Variants in CTNNA2 observed in about 807,000 individuals in gnomAD.
The protein encoded by CTNNA2 is catenin alpha-2.
CTNNA2 carries 42 observed loss-of-function variants against 101.0 expected under a neutral mutation model. The ratio of observed to expected loss-of-function variants is 0.42; its 90% CI spans 0.32 to 0.54. The LOEUF is 0.54. Ranked by LOEUF, CTNNA2 falls within the 20% of genes least tolerant of loss-of-function variation. The probability of loss-of-function intolerance (pLI) is 0.14; values close to 1 mark genes in which losing one functional copy is unlikely to be tolerated. For synonymous variants in CTNNA2, 450 were observed against 456.4 expected (o/e 0.99, Z 0.18); for missense variants, 871 against 1,223.1 (o/e 0.71, Z 4.29).
intron 3 of CTNNA2, among the ~76,000 whole-genome samples, chr2:79,327,036 G>A (rs1343074919): frequency 6.6e-6 from 1 of 152,164 alleles, no homozygotes; most frequent in African/African-American, 2.4e-5. Flanking sequence ...TGGTTTTCTA[G>A]ATGATAAAAT....
chr2:80,438,183 T>G (rs1047969087), intron 9 of CTNNA2, among the ~76,000 whole-genome samples: 3 of 152,198 alleles, frequency 2.0e-5, no homozygotes, highest in Non-Finnish European at 4.4e-5. Flanking sequence ...TCGCATGGTC[T>G]TTCCTCTATG....
At chr2:80,115,503 A>G (rs1403861794) in intron 7 of CTNNA2, among the ~76,000 whole-genome samples, 1 of 152,234 alleles carries the variant, frequency 6.6e-6, no homozygotes, top group Non-Finnish European at 1.5e-5. Context: ...CATTGTCTTC[A>G]TTCCCTAAAG....
chr2:79,351,801 G>A (rs1482614769), intron 3 of CTNNA2, among the ~76,000 whole-genome samples: 3 of 152,120 alleles, frequency 2.0e-5, no homozygotes, highest in Admixed American at 6.6e-5. Context: ...ATTTCATGGT[G>A]TATATGTACC....
chr2:79,875,699 T>C (rs1176253245), intron 6 of CTNNA2, among the ~76,000 whole-genome samples: 1 of 152,166 alleles, frequency 6.6e-6, no homozygotes, highest in Admixed American at 6.5e-5. Context: ...CAGTTAGTTA[T>C]ATGTATCTCA....
intron 4 of CTNNA2, among the ~76,000 whole-genome samples, chr2:79,399,813 T>C (rs1480106190): frequency 6.6e-6 from 1 of 152,066 alleles, no homozygotes; most frequent in African/African-American, 2.4e-5. Context: ...TGACATTCAC[T>C]ATTAGAAATA....
intron 7 of CTNNA2, among the ~76,000 whole-genome samples, chr2:80,022,872 T>G (rs1416304826): frequency 6.6e-6 from 1 of 152,156 alleles, no homozygotes; most frequent in Non-Finnish European, 1.5e-5. Context: ...TGACAAAGCC[T>G]TGAAGGATTT....
At chr2:79,540,430 C>A (rs937312337) in intron 1 of CTNNA2, among the ~76,000 whole-genome samples, 1 of 152,196 alleles carries the variant, frequency 6.6e-6, no homozygotes, top group African/African-American at 2.4e-5. Flanking sequence ...AACATATGCC[C>A]TTGAAATAAA....
intron 7 of CTNNA2, among the ~76,000 whole-genome samples, chr2:80,058,027 C>T (rs1697342794): frequency 6.6e-6 from 1 of 152,202 alleles, no homozygotes; most frequent in Non-Finnish European, 1.5e-5. Flanking sequence ...TTTATTCACA[C>T]ATTTATTTTT....
intron 9 of CTNNA2, among the ~76,000 whole-genome samples, chr2:80,491,401 A>T (rs1687050207): frequency 6.6e-6 from 1 of 152,172 alleles, no homozygotes; most frequent in Non-Finnish European, 1.5e-5. Flanking sequence ...AACGGTTTTA[A>T]TTTTTACTGT....
chr2:79,996,431 A>G (rs1197828549), intron 7 of CTNNA2, among the ~76,000 whole-genome samples: 1 of 152,196 alleles, frequency 6.6e-6, no homozygotes, highest in African/African-American at 2.4e-5. Context: ...AGTTTATTAT[A>G]CCTGCCTGGT....
chr2:79,744,341 A>G (rs1385595775), intron 2 of CTNNA2, 46 bp from the exon 3 acceptor site: 8 of 1,524,462 alleles, frequency 5.2e-6, no homozygotes, highest in Non-Finnish European at 7.1e-6. Context: ...TGACATTTCT[A>G]GACAGTTTTG....
chr2:80,419,528 C>A lies in CTNNA2; in HGVS notation c.1217C>A (p.Ala406Glu), dbSNP rs376103479. Residue 406 changes from alanine (A) to glutamate (E), a missense_variant, in exon 9 of 19, where the codon GCA becomes GAA. Ala to Glu is a moderately radical substitution (Grantham distance 107, BLOSUM62 -1). This residue lies in a region of CTNNA2 where 647 missense variants were observed against 831.5 expected (regional missense o/e 0.78). Coordinates refer to ENST00000402739, the MANE Select transcript of CTNNA2 (RefSeq NM_001282597.3). ...CCTTTGCTAGTTCTCATTGAGGCTG[C>A]AAAGAGCGGAAATGAAAAGGAAGTG... ...NVPLLVLIEA[A>E]KSGNEKEVKE... 1 of 1,613,712 alleles carries A rather than the reference C, an allele frequency of 6.2e-7. No homozygotes were observed. The highest frequency in any genetic ancestry group is 1.1e-5 in the South Asian group (1 of 91,056).
At chr2:80,131,516 G>A (rs1288510805) in intron 7 of CTNNA2, among the ~76,000 whole-genome samples, 1 of 152,102 alleles carries the variant, frequency 6.6e-6, no homozygotes, top group African/African-American at 2.4e-5. Context: ...AGAGATTTTT[G>A]TTCTTAGAGG....
intron 3 of CTNNA2, among the ~76,000 whole-genome samples, chr2:79,754,258 G>A (rs913412610): frequency 1.3e-5 from 2 of 152,124 alleles, no homozygotes; most frequent in Admixed American, 6.6e-5. Context: ...ACATGACAGA[G>A]CATGACAGAA....
chr2:79,508,356 C>T (rs1671457648), upstream of CTNNA2, among the ~76,000 whole-genome samples: 1 of 152,102 alleles, frequency 6.6e-6, no homozygotes, highest in African/African-American at 2.4e-5. Context: ...ACAGGAAAAA[C>T]ATGCTCCAGG....
intron 7 of CTNNA2, chr2:80,298,703 G>A (rs1416941790): frequency 6.6e-6 from 1 of 152,118 alleles, no homozygotes; most frequent in Admixed American, 6.5e-5. Flanking sequence ...AAAAGGTTGG[G>A]GGCTCTTCTA....
Position 79,960,124 on chromosome 2 carries a change from ACT to A in CTNNA2, c.1056+50328_1056+50329del, listed in dbSNP as rs138112895. 1.4e-4 allele frequency among the ~76,000 whole-genome samples: 21 copies of A among 152,286 alleles called. No homozygotes were observed. In the East Asian group the frequency reaches 3.9e-3, roughly 28 times the overall value. On this transcript the variant is annotated intron_variant, in intron 7 of 18. Transcript: ENST00000402739. ...TTTAATATTTAGCATCTTCATAGCT[ACT>A]TTTAAAATCCACTAGAGAAAATCTG... is the stretch of plus-strand genomic sequence containing the variant.
chr2:80,273,305 T>G (rs1465278780), intron 7 of CTNNA2, among the ~76,000 whole-genome samples: 2 of 152,184 alleles, frequency 1.3e-5, no homozygotes, highest in East Asian at 3.9e-4. Context: ...CAATAAGTGT[T>G]GTCAGCTTTA....
chr2:79,350,655 T>C (rs1240541238), intron 3 of CTNNA2, among the ~76,000 whole-genome samples: 1 of 152,194 alleles, frequency 6.6e-6, no homozygotes, highest in Non-Finnish European at 1.5e-5. Context: ...AGATACCCAC[T>C]AGTGGGCTTG....
Sources: allele counts gnomAD v4.1 joint callset (sites outside exome capture counted in the v4.1 genomes callset), GRCh38; gene constraint gnomAD v4.1.1; regional missense constraint gnomAD v4.1.1; transcripts MANE v1.5; gene names NCBI Gene and HGNC (gene_info 2026-07-23, HGNC 2026-07-21).